TC2N: variants seen among roughly 807,000 people sequenced by gnomAD.
The protein encoded by TC2N is tandem C2 domains, nuclear.
Under a neutral mutation model 61.9 loss-of-function variants are expected in TC2N, and 51 were observed. The observed-to-expected ratio is 0.82, with a 90% CI of 0.66 to 1.04. The LOEUF (loss-of-function observed/expected upper bound fraction) is 1.04, where lower values mean the gene tolerates loss of function less well. TC2N is among the 50% of genes least tolerant of loss of function. The pLI is 0.00. For missense variants in TC2N, 556 were observed against 566.7 expected (o/e 0.98, Z 0.19); for synonymous variants, 204 against 192.6 (o/e 1.06, Z -0.49).
chr14:91,863,066 G>T (rs951122427), intron 1 of TC2N, among the ~76,000 whole-genome samples: 6 of 152,222 alleles, frequency 3.9e-5, no homozygotes, highest in Non-Finnish European at 8.8e-5. Flanking sequence ...TAGAAAGACT[G>T]GTGTGGAAAG....
intron 3 of TC2N, among the ~76,000 whole-genome samples, chr14:91,804,192 G>A (rs1021569882): frequency 4.6e-5 from 7 of 152,178 alleles, no homozygotes; most frequent in South Asian, 2.1e-4. Flanking sequence ...ACAATAGTAC[G>A]TGTTGGCAAG....
chr14:91,802,193 T>C, intron 4 of TC2N, 61 bp downstream of exon 4: 1 of 1,404,798 alleles, frequency 7.1e-7, no homozygotes, highest in Non-Finnish European at 9.4e-7. Flanking sequence ...ATATCTTACA[T>C]TTGATTTCTA....
chr14:91,797,503 T>G (rs530455684), intron 8 of TC2N, among the ~76,000 whole-genome samples: 88 of 152,054 alleles, frequency 5.8e-4, no homozygotes, highest in African/African-American at 1.9e-3. Flanking sequence ...AAGCCAAGAT[T>G]TATTTCCTTT....
intron 1 of TC2N, among the ~76,000 whole-genome samples, chr14:91,857,607 A>G (rs1436635727): frequency 1.3e-5 from 2 of 152,234 alleles, no homozygotes; most frequent in Non-Finnish European, 2.9e-5. Flanking sequence ...GAGAAAAGTG[A>G]GGCTCAAAGA....
intron 1 of TC2N, among the ~76,000 whole-genome samples, chr14:91,822,466 G>GTTC (rs34953380): frequency 0.98 from 149,179 of 152,230 alleles, 73,174 homozygotes; most frequent in East Asian, 1. Context: ...TCATATTTCA[G>GTTC]TTCTTATTTT....
chr14:91,782,882 T>C lies in TC2N; in HGVS notation c.*218A>G. On this transcript the variant is annotated 3_prime_UTR_variant, in exon 12 of 12. Coordinates refer to ENST00000435962, the MANE Select transcript of TC2N (RefSeq NM_001128596.3). ...ATACTTTGATTTTACTGTCTGTGTC[T>C]CTTGTTGCAGTTTTAAAACATTTCC... 1 of 456,084 alleles carries C rather than the reference T, an allele frequency of 2.2e-6. No homozygotes were observed. Among genetic ancestry groups the C allele is most frequent in the African/African-American group, 2.0e-5 (1 of 49,440 alleles). The allele number at this position is 456,084 out of a possible 1,614,324, so 28.3% of individuals were successfully genotyped here. A position where few individuals can be genotyped will look rare whatever the true frequency, so the allele number is the denominator to read the frequency against.
rs377106659 is a variant in TC2N at position 91,821,911 on chromosome 14, CAGTT to C, written c.-56-8090_-56-8087del. Among the ~76,000 whole-genome samples, 80 of 152,174 alleles carry C rather than the reference CAGTT, an allele frequency of 5.3e-4. No homozygotes were observed. The East Asian group carries it at 0.013, about 25-fold the overall frequency. On this transcript the variant is annotated intron_variant, in intron 1 of 11. Transcript: ENST00000435962. ...AAAGCACATGAAAACATGCTCAACA[CAGTT>C]AGTGATTAGGAAAATGCAAATTAAA...
chr14:91,793,595 C>T (rs114066261), intron 8 of TC2N, among the ~76,000 whole-genome samples: 2,283 of 152,106 alleles, frequency 0.015, 50 homozygotes, highest in African/African-American at 0.05. Flanking sequence ...ATATCTGTTA[C>T]GGTGACCTGT....
At chr14:91,801,194 T>A (rs1793446021) in intron 4 of TC2N, among the ~76,000 whole-genome samples, 1 of 151,986 alleles carries the variant, frequency 6.6e-6, no homozygotes, top group South Asian at 2.1e-4. Flanking sequence ...TATAATCACT[T>A]AAGCAGTTTG....
At position 91,863,723 on chromosome 14, in the gene TC2N, CA is replaced by C. The variant is rs886998088; in HGVS notation, c.-57+3538del. Among the ~76,000 whole-genome samples the C allele has an allele frequency of 8.0e-5, 12 of 150,044 alleles. No homozygotes were observed. The East Asian group carries it at 1.4e-3, about 17-fold the overall frequency. ...AATGGAGGCTGGGCATGGTGGATCA[CA>C]GCTGCAATCCTAGCACTTTAGGAGG... is the stretch of plus-strand genomic sequence containing the variant. On this transcript the variant is annotated intron_variant, in intron 1 of 11. Transcript: ENST00000435962.
chr14:91,804,441 A>G (rs1886409764), intron 3 of TC2N, among the ~76,000 whole-genome samples: 1 of 152,202 alleles, frequency 6.6e-6, no homozygotes, highest in Admixed American at 6.5e-5. Context: ...AAAACTCAAA[A>G]TTCCATCAAC....
At chr14:91,854,306 AT>A (rs1190657688) in intron 1 of TC2N, among the ~76,000 whole-genome samples, 2 of 151,868 alleles carry the variant, frequency 1.3e-5, no homozygotes, top group Admixed American at 1.3e-4. Flanking sequence ...GGAAGGAAAA[AT>A]ACTTACCCAT....
chr14:91,851,457 G>T (rs1305212232), intron 1 of TC2N, among the ~76,000 whole-genome samples: 3 of 152,284 alleles, frequency 2.0e-5, no homozygotes, highest in East Asian at 3.9e-4. Context: ...GAGTGTCAAG[G>T]TGTGTCTGGT....
chr14:91,820,021 T>G (rs1172332285), intron 1 of TC2N, among the ~76,000 whole-genome samples: 2 of 151,926 alleles, frequency 1.3e-5, no homozygotes, highest in Admixed American at 1.3e-4. Context: ...AGAAAACAAA[T>G]AGCAAGATGA....
chr14:91,861,051 G>C (rs1888579305), intron 1 of TC2N, among the ~76,000 whole-genome samples: 1 of 152,178 alleles, frequency 6.6e-6, no homozygotes. Flanking sequence ...CAAGCCGCTG[G>C]ATACCATAAT....
chr14:91,819,120 A>G (rs1353289416), intron 1 of TC2N, among the ~76,000 whole-genome samples: 1 of 152,150 alleles, frequency 6.6e-6, no homozygotes, highest in Non-Finnish European at 1.5e-5. Context: ...AAAATCTTAA[A>G]AGCACCCAGA....
intron 1 of TC2N, among the ~76,000 whole-genome samples, chr14:91,854,077 A>G (rs1888431341): frequency 6.6e-6 from 1 of 152,152 alleles, no homozygotes; most frequent in Non-Finnish European, 1.5e-5. Context: ...TTGAAGTGGA[A>G]CCAAACTTCA....
At chr14:91,862,580 A>C (rs1888615044) in intron 1 of TC2N, among the ~76,000 whole-genome samples, 1 of 152,200 alleles carries the variant, frequency 6.6e-6, no homozygotes, top group South Asian at 2.1e-4. Context: ...CTAGGATGGA[A>C]GCCTCCTGCT....
At chr14:91,806,670 T>C (rs1886520595) in intron 3 of TC2N, among the ~76,000 whole-genome samples, 1 of 152,140 alleles carries the variant, frequency 6.6e-6, no homozygotes, top group Non-Finnish European at 1.5e-5. Flanking sequence ...GTGACCTGGC[T>C]GCTGTTAAAA....
Sources: allele counts gnomAD v4.1 joint callset (sites outside exome capture counted in the v4.1 genomes callset), GRCh38; gene constraint gnomAD v4.1.1; transcripts MANE v1.5; gene names NCBI Gene and HGNC (gene_info 2026-07-23, HGNC 2026-07-21).